Variants in MICAL2 observed in about 807,000 individuals in gnomAD.
The protein encoded by MICAL2 is [F-actin]-monooxygenase MICAL2.
A neutral mutation model predicts 127.3 loss-of-function variants in MICAL2; 77 were observed. The observed-to-expected ratio is 0.60, with a 90% CI of 0.50 to 0.73. The LOEUF (loss-of-function observed/expected upper bound fraction) is 0.73, where lower values mean the gene tolerates loss of function less well. Among genes scored for constraint, MICAL2 ranks in the 30% least tolerant of loss-of-function variants. The probability of loss-of-function intolerance (pLI) is 0.00; values close to 1 mark genes in which losing one functional copy is unlikely to be tolerated. For missense variants in MICAL2, 1,351 were observed against 1,434.4 expected (o/e 0.94, Z 0.94); for synonymous variants, 570 against 551.1 (o/e 1.03, Z -0.48).
At chr11:12,356,693 C>T (rs1939133600) in intron 34 of MICAL2, among the ~76,000 whole-genome samples, 1 of 152,196 alleles carries the variant, frequency 6.6e-6, no homozygotes, top group Non-Finnish European at 1.5e-5. Flanking sequence ...TAGACAGTCT[C>T]TCCTGTGGGG....
At position 12,208,824 on chromosome 11, in the gene MICAL2, A is replaced by G. The variant is rs146731998; in HGVS notation, c.590-673A>G. Among the ~76,000 whole-genome samples the G allele has an allele frequency of 2.8e-3, 419 of 152,264 alleles. 2 individuals carry two copies. Among genetic ancestry groups the G allele is most frequent in the African/African-American group, 9.8e-3 (408 of 41,550 alleles). On this transcript the variant is annotated intron_variant, in intron 5 of 27. Transcript: ENST00000683283. The stretch of plus-strand genomic sequence containing the variant: ...GTTTGGGACCAGCTTAGTGTCAGAG[A>G]CCTTGTGGTTTCCTGCTTAGGGTAC...
At chr11:12,155,264 A>G (rs1188374160) in intron 2 of MICAL2, among the ~76,000 whole-genome samples, 2 of 152,150 alleles carry the variant, frequency 1.3e-5, no homozygotes, top group African/African-American at 4.8e-5. Context: ...AATTTTAAAT[A>G]TATATATGTA....
intron 29 of MICAL2, among the ~76,000 whole-genome samples, chr11:12,307,797 T>G (rs1006963284): frequency 6.6e-6 from 1 of 152,218 alleles, no homozygotes; most frequent in Non-Finnish European, 1.5e-5. Context: ...CTCTGTACTC[T>G]CTAATCTGCT....
At chr11:12,204,045 G>T (rs1308738140) in intron 3 of MICAL2, among the ~76,000 whole-genome samples, 1 of 152,176 alleles carries the variant, frequency 6.6e-6, no homozygotes, top group East Asian at 1.9e-4. Flanking sequence ...TCCTCACAGG[G>T]CTTGGTGCAG....
intron 29 of MICAL2, among the ~76,000 whole-genome samples, chr11:12,307,776 T>C (rs1451501084): frequency 6.6e-6 from 1 of 152,224 alleles, no homozygotes; most frequent in Non-Finnish European, 1.5e-5. Flanking sequence ...ACCATATATG[T>C]GTAGGTCTAT....
chr11:12,145,220 C>A (rs1852765269), intron 2 of MICAL2, among the ~76,000 whole-genome samples: 2 of 152,166 alleles, frequency 1.3e-5, no homozygotes, highest in African/African-American at 4.8e-5. Context: ...TCCAGCAGAA[C>A]AAAATGGAAG....
chr11:12,190,982 T>C (rs755331519), intron 3 of MICAL2, among the ~76,000 whole-genome samples: 2 of 152,212 alleles, frequency 1.3e-5, no homozygotes, highest in Non-Finnish European at 2.9e-5. Flanking sequence ...GTGTGCATCC[T>C]GATTTGGGGT....
At chr11:12,326,411 A>T (rs948592392) in intron 31 of MICAL2, among the ~76,000 whole-genome samples, 2 of 152,234 alleles carry the variant, frequency 1.3e-5, no homozygotes, top group African/African-American at 4.8e-5. Context: ...ACAAGAGATT[A>T]ATAGTTAGTA....
intron 29 of MICAL2, among the ~76,000 whole-genome samples, chr11:12,309,267 A>G (rs1206531621): frequency 6.6e-6 from 1 of 152,144 alleles, no homozygotes; most frequent in African/African-American, 2.4e-5. Context: ...GTACTATCAA[A>G]CATTATAACT....
downstream of MICAL2, among the ~76,000 whole-genome samples, chr11:12,289,862 C>G (rs1227315277): frequency 6.6e-6 from 1 of 152,214 alleles, no homozygotes; most frequent in Non-Finnish European, 1.5e-5. Flanking sequence ...AGGCACCATG[C>G]CTGGCCAACT....
In MICAL2 at chr11:12,259,996, C is replaced by T. The variant is rs777331274; in HGVS notation, c.3334+99C>T. 17 of 1,556,150 alleles carry T rather than the reference C, an allele frequency of 1.1e-5. 1 individual carries two copies. The highest frequency in any genetic ancestry group is 1.9e-5 in the Admixed American group (1 of 51,476). On this transcript the variant is annotated intron_variant, in intron 26 of 27. Transcript: ENST00000683283. ...GCAGGGACTCCTGCAAGCTGCTGGC[C>T]TCCATATCAGGGACAATGCTTACAA...
intron 3 of MICAL2, among the ~76,000 whole-genome samples, chr11:12,188,122 T>C (rs911532452): frequency 2.6e-5 from 4 of 152,244 alleles, no homozygotes; most frequent in Non-Finnish European, 4.4e-5. Context: ...TAAGTCCGCA[T>C]TGAGCTGCGC....
At chr11:12,295,448 T>TTTC (rs1360234252), downstream of MICAL2, among the ~76,000 whole-genome samples, 1 of 108,862 alleles carries the variant, frequency 9.2e-6, no homozygotes, top group African/African-American at 2.7e-5. Context: ...CCTCTTTTTT[T>TTTC]TTTTTTTTTC....
rs188675476 is a variant in MICAL2, at chr11:12,322,540, A to G, written c.5329-1438A>G. ...TCCAGAAAAATAGCCTGTAGGCACC[A>G]AGCTAGCTACGACAATTTTTAAATT... On this transcript the variant is annotated intron_variant, in intron 30 of 34. Transcript: ENST00000646065. Among the ~76,000 whole-genome samples, 599 of 152,342 alleles carry G rather than the reference A, an allele frequency of 3.9e-3. 6 individuals are homozygous for G. The highest frequency in any genetic ancestry group is 0.014 in the African/African-American group (562 of 41,572).
At chr11:12,180,335 G>GTATATATA (rs1554968135) in intron 3 of MICAL2, among the ~76,000 whole-genome samples, 1 of 126,390 alleles carries the variant, frequency 7.9e-6, no homozygotes, top group African/African-American at 3.4e-5. Flanking sequence ...TTATATACAT[G>GTATATATA]TATATATGTA....
intron 6 of MICAL2, among the ~76,000 whole-genome samples, chr11:12,213,010 C>A (rs894810442): frequency 6.6e-6 from 1 of 152,154 alleles, no homozygotes; most frequent in Non-Finnish European, 1.5e-5. Flanking sequence ...TGGGAAGGAT[C>A]GCTTTTCCTT....
Position 12,226,262 on chromosome 11 carries a change from AC to A in MICAL2, c.1782del (p.Thr595ArgfsTer32). The A allele has an allele frequency of 6.2e-7, 1 of 1,614,240 alleles. No homozygotes were observed. The highest frequency in any genetic ancestry group is 8.5e-7 in the Non-Finnish European group (1 of 1,180,044). ...AEREFGIPPVTTGKEMASAQE... is the reference protein window; with the variant it reads ...AEREFGIPPVXTGKEMASAQE... Reference sequence around the variant, plus strand: ...GCGAGAGTTTGGGATCCCTCCAGTGACCACGGGCAAAGAGATGGCATCTGCC... The same window carrying A: ...GCGAGAGTTTGGGATCCCTCCAGTGACACGGGCAAAGAGATGGCATCTGCC... On this transcript the variant is annotated frameshift_variant, in exon 14 of 28. Transcript: ENST00000683283. LOFTEE classifies it high-confidence loss of function.
intron 1 of MICAL2, among the ~76,000 whole-genome samples, chr11:12,124,254 G>T (rs1215314080): frequency 1.3e-5 from 2 of 151,982 alleles, no homozygotes; most frequent in Non-Finnish European, 2.9e-5. Context: ...AATGCTTATC[G>T]AAGGGACCCC....
At chr11:12,239,948 AT>A (rs1859637773) in intron 17 of MICAL2, among the ~76,000 whole-genome samples, 1 of 152,216 alleles carries the variant, frequency 6.6e-6, no homozygotes, top group African/African-American at 2.4e-5. Context: ...AAATAAATCC[AT>A]TCCCTAATTT....
Sources: allele counts gnomAD v4.1 joint callset (sites outside exome capture counted in the v4.1 genomes callset), GRCh38; gene constraint gnomAD v4.1.1; transcripts MANE v1.5; gene names NCBI Gene and HGNC (gene_info 2026-07-23, HGNC 2026-07-21).